ANK2: variants seen among roughly 807,000 people sequenced by gnomAD.
The protein encoded by ANK2 is ankyrin 2.
ANK2 carries 83 observed loss-of-function variants against 360.5 expected under a neutral mutation model. That is an observed-to-expected ratio of 0.23 (90% confidence interval 0.19 to 0.28). The LOEUF (loss-of-function observed/expected upper bound fraction) is 0.28, where lower values mean the gene tolerates loss of function less well. Ranked by LOEUF, ANK2 falls within the 10% of genes least tolerant of loss-of-function variation. The pLI is 1.00. For synonymous variants in ANK2, 1,740 were observed against 1,759.5 expected (o/e 0.99, Z 0.28); for missense variants, 4,201 against 4,795.7 (o/e 0.88, Z 3.66).
chr4:113,106,782 A>G (rs2093676731), intron 1 of ANK2: 1 of 401,622 alleles, frequency 2.5e-6, no homozygotes, highest in Non-Finnish European at 5.0e-6. Context: ...ACAATATTTC[A>G]TAGGTGTGCC....
intron 35 of ANK2, among the ~76,000 whole-genome samples, chr4:113,347,642 C>A (rs1023321345): frequency 6.6e-6 from 1 of 151,990 alleles, no homozygotes; most frequent in Non-Finnish European, 1.5e-5. Flanking sequence ...AAAAAAATCC[C>A]AGACATTGTA....
chr4:112,754,448 C>T, the ANK2 span, among the ~76,000 whole-genome samples: 1 of 150,968 alleles, frequency 6.6e-6, no homozygotes, highest in Non-Finnish European at 1.5e-5. Context: ...AGGTAGCAAA[C>T]TGTTAGCTTG....
At chr4:113,130,340 T>G (rs1481738134) in intron 1 of ANK2, among the ~76,000 whole-genome samples, 2 of 152,184 alleles carry the variant, frequency 1.3e-5, no homozygotes, top group South Asian at 4.1e-4. Flanking sequence ...GTTTTCTTTG[T>G]CTTTAATATT....
chr4:112,845,472 A>C (rs1306306986), intron 1 of ANK2, among the ~76,000 whole-genome samples: 2 of 152,180 alleles, frequency 1.3e-5, no homozygotes, highest in Non-Finnish European at 2.9e-5. Flanking sequence ...AAGGAAACTG[A>C]CTCTAGTGAG....
chr4:113,257,119 G>GA (rs1249449931), intron 11 of ANK2, among the ~76,000 whole-genome samples: 1 of 152,172 alleles, frequency 6.6e-6, no homozygotes, highest in African/African-American at 2.4e-5. Context: ...GCTTTCCTGA[G>GA]AACTGCTAGT....
At chr4:112,725,143 A>G in the ANK2 span, among the ~76,000 whole-genome samples, 2 of 151,470 alleles carry the variant, frequency 1.3e-5, no homozygotes, top group South Asian at 4.2e-4. Flanking sequence ...TTAGTTGGCC[A>G]TGGTGGCGGG....
chr4:113,183,352 A>G (rs2098453917), intron 2 of ANK2, among the ~76,000 whole-genome samples: 1 of 152,060 alleles, frequency 6.6e-6, no homozygotes, highest in African/African-American at 2.4e-5. Context: ...ATGATCAGGA[A>G]TTTAAAGTGA....
the ANK2 span, among the ~76,000 whole-genome samples, chr4:112,750,472 GTA>G: frequency 1.3e-5 from 2 of 151,010 alleles, no homozygotes; most frequent in Admixed American, 6.6e-5. Context: ...ACAATATTCA[GTA>G]TATATATATA....
At chr4:112,787,951 C>T in the ANK2 span, 2 of 616,516 alleles carry the variant, frequency 3.2e-6, no homozygotes, top group African/African-American at 3.7e-5. Flanking sequence ...CATGTATGAT[C>T]ATTATATGAT....
chr4:113,163,577 C>G (rs2154404625), intron 1 of ANK2, among the ~76,000 whole-genome samples: 1 of 151,292 alleles, frequency 6.6e-6, no homozygotes, highest in East Asian at 1.9e-4. Flanking sequence ...CCAGCCTGAC[C>G]AACATGGAGA....
At chr4:112,767,298 C>T in the ANK2 span, among the ~76,000 whole-genome samples, 44 of 152,186 alleles carry the variant, frequency 2.9e-4, no homozygotes, top group Admixed American at 3.3e-4. Flanking sequence ...CGGTGGCTCA[C>T]GCTTGTAATC....
intron 1 of ANK2, among the ~76,000 whole-genome samples, chr4:113,135,812 A>T (rs1222126504): frequency 6.6e-6 from 1 of 152,126 alleles, no homozygotes; most frequent in Non-Finnish European, 1.5e-5. Flanking sequence ...TGGTGCCTGG[A>T]CCAAAATCAA....
intron 41 of ANK2, 120 bp from the exon 42 acceptor site, chr4:113,367,446 A>T: frequency 1.1e-6 from 1 of 916,656 alleles, no homozygotes; most frequent in Non-Finnish European, 1.7e-6. Context: ...CCATGGGCCC[A>T]TCTCAGGATG....
At chr4:113,197,363 G>A (rs1336386384) in intron 3 of ANK2, among the ~76,000 whole-genome samples, 1 of 152,144 alleles carries the variant, frequency 6.6e-6, no homozygotes, top group African/African-American at 2.4e-5. Flanking sequence ...AACTTGTCGA[G>A]GATTCATTTC....
the ANK2 span, among the ~76,000 whole-genome samples, chr4:112,726,201 C>G: frequency 0.1 from 15,236 of 152,186 alleles, 944 homozygotes; most frequent in Middle Eastern, 0.15. Context: ...CCAGTTGTAG[C>G]TCAAACATGA....
the ANK2 span, among the ~76,000 whole-genome samples, chr4:112,756,151 T>C: frequency 6.7e-6 from 1 of 150,176 alleles, no homozygotes; most frequent in Non-Finnish European, 1.5e-5. Flanking sequence ...GGCAGGAGAA[T>C]GGTGTGAACC....
chr4:112,854,952 TA>T (rs1405490380), intron 1 of ANK2, among the ~76,000 whole-genome samples: 1 of 152,188 alleles, frequency 6.6e-6, no homozygotes, highest in East Asian at 1.9e-4. Flanking sequence ...GTTACAGAAT[TA>T]AGTTGAGGAC....
intron 18 of ANK2, among the ~76,000 whole-genome samples, chr4:113,285,240 T>G (rs2063955763): frequency 6.6e-6 from 1 of 151,780 alleles, no homozygotes; most frequent in Non-Finnish European, 1.5e-5. Flanking sequence ...TGTGACCAAA[T>G]GCGGAGAGGT....
At chr4:112,805,461 T>A in the ANK2 span, among the ~76,000 whole-genome samples, 24 of 152,182 alleles carry the variant, frequency 1.6e-4, 1 homozygote, top group Admixed American at 1.3e-3. Context: ...CACCAGGCAC[T>A]GATCTAGGCA....
Sources: gnomAD v4.1 joint callset for allele counts (sites outside exome capture counted in the v4.1 genomes callset) on GRCh38, gnomAD v4.1.1 for gene constraint, MANE v1.5 for transcripts, NCBI Gene and HGNC (gene_info 2026-07-23, HGNC 2026-07-21) for gene names.